PLEC: variants seen among roughly 807,000 people sequenced by gnomAD.
PLEC encodes plectin, also known as hemidesmosomal protein 1.
In PLEC, 216 loss-of-function variants were observed where a neutral mutation model predicts 392.8. The ratio of observed to expected loss-of-function variants is 0.55; its 90% CI spans 0.49 to 0.62. The LOEUF (loss-of-function observed/expected upper bound fraction) is 0.62, where lower values mean the gene tolerates loss of function less well. Among genes scored for constraint, PLEC ranks in the 20% least tolerant of loss-of-function variants. The pLI, the probability that PLEC is intolerant of heterozygous loss-of-function variation, is 0.00. For synonymous variants in PLEC, 3,621 were observed against 2,980.6 expected (o/e 1.21, Z -7.00); for missense variants, 6,863 against 6,563.4 (o/e 1.05, Z -1.58).
In PLEC at chr8:143,939,372, G is replaced by C. The variant is rs782648372; in HGVS notation, c.90C>G (p.Leu30=). The C allele has an allele frequency of 1.1e-5, 18 of 1,612,586 alleles. No homozygotes were observed. The South Asian group carries it at 2.0e-4, about 18-fold the overall frequency. ...TACCTTTCTTGCCCTCAGAGGCCCTGAGCACAGCCAGGTACAGGTTGTCCT... is the reference window on the plus strand; with the variant it reads ...TACCTTTCTTGCCCTCAGAGGCCCTCAGCACAGCCAGGTACAGGTTGTCCT... ...SSEDNLYLAV[L]RASEGKKDER... is the part of the protein sequence containing the mutation. The change falls in exon 1 of 32, where the codon CTC becomes CTG. Residue 30 remains leucine, a synonymous_variant. Coordinates refer to ENST00000345136, the MANE Select transcript of PLEC (RefSeq NM_201384.3).
chr8:143,924,682 T>C lies in PLEC; in HGVS notation c.5247A>G (p.Lys1749=), dbSNP rs1554698651. The C allele has an allele frequency of 6.5e-7, 1 of 1,534,272 alleles. No individual in the cohort carries two copies. The highest frequency in any genetic ancestry group is 2.0e-5 in the Admixed American group (1 of 50,870). The change falls in exon 31 of 32, where the codon AAA becomes AAG. Residue 1749 remains lysine (K), a synonymous_variant. Coordinates refer to ENST00000345136, the MANE Select transcript of PLEC (RefSeq NM_201384.3). The stretch of plus-strand genomic sequence containing the variant: ...CCAGCTCGGCTTCCAGCTCCTGCCG[T>C]TTCTGCGTGGCTGCAGCCGCCTCAC... ...LQREAAAATQ[K]RQELEAELAK...
At chr8:143,937,270 A>G (rs781890188) in intron 3 of PLEC, 28 bp from the exon 4 acceptor site, 3 of 1,573,420 alleles carry the variant, frequency 1.9e-6, no homozygotes, top group Non-Finnish European at 2.6e-6. Flanking sequence ...CAGCACCCAC[A>G]GTGCAGCTGC....
chr8:143,943,289 G>A (rs1830845527), upstream of PLEC, among the ~76,000 whole-genome samples: 1 of 152,184 alleles, frequency 6.6e-6, no homozygotes, highest in Admixed American at 6.5e-5. Context: ...GTTGCCACCT[G>A]GGACCACAGC....
rs782189427 is a variant in PLEC at position 143,924,918 on chromosome 8, G to T, written c.5011C>A (p.Arg1671Ser). 5.0e-6 allele frequency: 8 copies of T among 1,584,958 alleles called. No homozygotes were observed. Among genetic ancestry groups the T allele is most frequent in the Non-Finnish European group, 6.8e-6 (8 of 1,173,534 alleles). The change falls in exon 31 of 32, where the codon CGC becomes AGC. Residue 1671 changes from arginine to serine, a missense_variant. By Grantham distance (110) the Arg-to-Ser change is moderately radical. Transcript: ENST00000345136. ...GCCTTGCCGCGCCGCCGCGCCTCGC[G>T]CTCCGCCTCCTCCTTCTGCTTCTCA... is the stretch of plus-strand genomic sequence containing the variant. ...EAEKQKEEAE[R>S]EARRRGKAEE... is the part of the protein sequence containing the mutation.
Position 143,932,777 on chromosome 8 carries a change from G to A in PLEC, c.1737+16C>T, listed in dbSNP as rs1827775651. 9.3e-6 allele frequency: 15 copies of A among 1,611,280 alleles called. No homozygotes were observed. The highest frequency in any genetic ancestry group is 5.0e-5 in the Admixed American group (3 of 59,888). The stretch of plus-strand genomic sequence containing the variant: ...CCGGCCCACCCCCGCACTGCCCATC[G>A]CTCAGCGCCACCCACCTCGTCACTC... On this transcript the variant is annotated intron_variant, in intron 14 of 31. Coordinates refer to ENST00000345136, the MANE Select transcript of PLEC (RefSeq NM_201384.3).
intron 22 of PLEC, 24 bp downstream of exon 22, chr8:143,929,912 C>T: frequency 2.5e-6 from 4 of 1,606,238 alleles, no homozygotes; most frequent in Non-Finnish European, 3.4e-6. Flanking sequence ...ACCCAGAGAG[C>T]CCCCGGCTCG....
intron 17 of PLEC, 37 bp from the exon 18 acceptor site, chr8:143,932,069 C>G (rs1827457108): frequency 6.4e-7 from 1 of 1,560,682 alleles, no homozygotes; most frequent in African/African-American, 1.4e-5. Flanking sequence ...CCCCGCCCCG[C>G]CCCGCCTGGG....
Position 143,939,554 on chromosome 8 carries a change from G to A in PLEC, c.-93C>T. On this transcript the variant is annotated 5_prime_UTR_variant, in exon 1 of 32. Coordinates refer to ENST00000345136, the MANE Select transcript of PLEC (RefSeq NM_201384.3). ...GCACACAGGCAGCTGAAGGCTGGCG[G>A]CCCCACGAGACGCTCACTCGGCACA... is the stretch of plus-strand genomic sequence containing the variant. 1.3e-6 allele frequency: 2 copies of A among 1,534,724 alleles called. No homozygotes were observed. Among genetic ancestry groups the A allele is most frequent in the Non-Finnish European group, 1.7e-6 (2 of 1,142,916 alleles).
intron 25 of PLEC, among the ~76,000 whole-genome samples, chr8:143,928,439 C>T (rs938795603): frequency 7.9e-5 from 12 of 152,090 alleles, no homozygotes; most frequent in South Asian, 2.1e-4. Context: ...GAGTAGACAG[C>T]GGGTGGACCT....
At chr8:143,930,609 C>G in intron 19 of PLEC, 73 bp from the exon 20 acceptor site, 7 of 1,500,810 alleles carry the variant, frequency 4.7e-6, no homozygotes, top group South Asian at 1.2e-5. Context: ...CCCCAGACCC[C>G]GGGACCAGGC....
rs782692739 is a variant in PLEC, at chr8:143,950,321, C to A, written c.386G>T (p.Arg129Leu). The A allele has an allele frequency of 1.7e-5, 27 of 1,574,730 alleles. 1 individual carries two copies. In the Admixed American group the frequency reaches 4.7e-4, roughly 28 times the overall value. The change falls in exon 1 of 32, where the codon CGG becomes CTG. Residue 129 changes from arginine (R) to leucine (L), a missense_variant. Coordinates refer to the PLEC transcript ENST00000322810. Reference sequence around the variant, plus strand: ...CTGCTCCTCCGTCGGCAGCGGCCCCCGCTTGGGTGGGGAGCCCAGGGGACC... The same window carrying A: ...CTGCTCCTCCGTCGGCAGCGGCCCCAGCTTGGGTGGGGAGCCCAGGGGACC...
chr8:143,935,397 A>T, intron 6 of PLEC, 84 bp from the exon 7 acceptor site: 1 of 907,656 alleles, frequency 1.1e-6, no homozygotes, highest in Non-Finnish European at 1.8e-6. Context: ...CCGGCTCCTC[A>T]CACATCCCAG....
At chr8:143,966,922 C>T (rs543816894) in intron 1 of PLEC, among the ~76,000 whole-genome samples, 4 of 152,214 alleles carry the variant, frequency 2.6e-5, no homozygotes, top group Admixed American at 1.3e-4. Flanking sequence ...CAAAGATTAA[C>T]GACAGAGATG....
Position 143,929,726 on chromosome 8 carries a change from G to A in PLEC, c.2843C>T (p.Pro948Leu), listed in dbSNP as rs537345370. ...GCGCTCAGCCATCAGCCGGTCCTCG[G>A]GTCCGAAGCCGCCCGCGTCCTGGCT... The part of the protein sequence containing the change: ...RDSQDAGGFG[P>L]EDRLMAEREY... The change falls in exon 23 of 32, where the codon CCC (proline) becomes CTC (leucine). Residue 948 changes from proline to leucine, a missense_variant. Physicochemically the swap from Pro to Leu is moderately conservative, Grantham distance 98. Transcript: ENST00000345136. The A allele has an allele frequency of 1.3e-6, 2 of 1,599,860 alleles. No individual in the cohort carries two copies. Among genetic ancestry groups the A allele is most frequent in the East Asian group, 4.5e-5 (2 of 44,818 alleles).
upstream of PLEC, among the ~76,000 whole-genome samples, chr8:143,954,195 G>C (rs1832464231): frequency 6.6e-6 from 1 of 152,060 alleles, no homozygotes; most frequent in South Asian, 2.1e-4. The surrounding 1 kb of genome is among the most constrained non-coding windows in gnomAD (Gnocchi z 4.6). Context: ...CCCTGCAGGA[G>C]ATACCCACCC....
intron 25 of PLEC, 60 bp downstream of exon 25, chr8:143,929,043 C>A: frequency 6.9e-7 from 1 of 1,454,506 alleles, no homozygotes; most frequent in Non-Finnish European, 9.4e-7. Flanking sequence ...AAGGTCACAG[C>A]CCTCACCCCA....
chr8:143,976,177 G>A (rs6991364), upstream of PLEC, among the ~76,000 whole-genome samples: 66,736 of 151,836 alleles, frequency 0.44, 15,632 homozygotes, highest in African/African-American at 0.6. Context: ...CAGCTCCAGC[G>A]GCCCACAGTG....
intron 1 of PLEC, among the ~76,000 whole-genome samples, chr8:143,948,738 C>G (rs1462240202): frequency 2.0e-5 from 3 of 152,246 alleles, no homozygotes; most frequent in Non-Finnish European, 4.4e-5. Flanking sequence ...GCTGCCCGCC[C>G]TGCAGGCCCA....
Position 143,935,330 on chromosome 8 carries a change from G to C in PLEC, c.603-17C>G. 3.2e-6 allele frequency: 5 copies of C among 1,581,278 alleles called. No individual in the cohort carries two copies. Among genetic ancestry groups the C allele is most frequent in the Non-Finnish European group, 4.3e-6 (5 of 1,164,402 alleles). On this transcript the variant is annotated splice_polypyrimidine_tract_variant and intron_variant, in intron 6 of 31. Transcript: ENST00000345136. Reference sequence around the variant, plus strand: ...AGCAGGGGCCTGGGACAAGCAGGTGGCTGGTCAGGTGGGTGGGACAAGACC... The same window carrying C: ...AGCAGGGGCCTGGGACAAGCAGGTGCCTGGTCAGGTGGGTGGGACAAGACC...
Sources: allele counts gnomAD v4.1 joint callset (sites outside exome capture counted in the v4.1 genomes callset), GRCh38; gene constraint gnomAD v4.1.1; non-coding constraint Gnocchi (gnomAD v3.1); transcripts MANE v1.5; gene names NCBI Gene and HGNC (gene_info 2026-07-23, HGNC 2026-07-21).